The following SLC2A13 variants were observed in gnomAD, a reference collection of about 807,000 sequenced individuals.
SLC2A13 encodes proton myo-inositol cotransporter.
Under a neutral mutation model 64.4 loss-of-function variants are expected in SLC2A13, and 32 were observed. That is an observed-to-expected ratio of 0.50 (90% CI 0.37 to 0.67). The LOEUF (loss-of-function observed/expected upper bound fraction) is 0.67. Ranked by LOEUF, SLC2A13 falls within the 30% of genes least tolerant of loss-of-function variation. The pLI is 0.00. For missense variants in SLC2A13, 743 were observed against 829.2 expected, an observed-to-expected ratio of 0.90 and a Z score of 1.28; for synonymous variants, 338 against 327.1, an observed-to-expected ratio of 1.03 and a Z score of -0.36.
intron 6 of SLC2A13, among the ~76,000 whole-genome samples, chr12:39,851,412 T>C (rs1412456483): frequency 1.3e-5 from 2 of 152,204 alleles, no homozygotes; most frequent in African/African-American, 4.8e-5. Context: ...ATTCTGACTC[T>C]TAACTGACAA....
chr12:39,955,409 C>T (rs114301420), intron 3 of SLC2A13, among the ~76,000 whole-genome samples: 10 of 151,914 alleles, frequency 6.6e-5, no homozygotes, highest in South Asian at 2.1e-4. Context: ...AAAAGACAGA[C>T]GAGTGAAACC....
At chr12:40,087,088 C>A (rs1938610887) in intron 1 of SLC2A13, among the ~76,000 whole-genome samples, 1 of 152,194 alleles carries the variant, frequency 6.6e-6, no homozygotes, top group Non-Finnish European at 1.5e-5. Flanking sequence ...ACTGAAGACA[C>A]AACCACACAC....
intron 3 of SLC2A13, among the ~76,000 whole-genome samples, chr12:40,000,617 T>G (rs1465148256): frequency 6.6e-6 from 1 of 152,190 alleles, no homozygotes; most frequent in Non-Finnish European, 1.5e-5. Context: ...GTTTGGTTTT[T>G]CTGGAGGCCT....
chr12:39,946,992 G>T (rs1487422840), intron 4 of SLC2A13, among the ~76,000 whole-genome samples: 2 of 152,156 alleles, frequency 1.3e-5, no homozygotes, highest in South Asian at 4.1e-4. Context: ...TGCCAGGCAG[G>T]AATGGGCTGC....
intron 3 of SLC2A13, among the ~76,000 whole-genome samples, chr12:39,977,127 T>C (rs1420823174): frequency 6.6e-6 from 1 of 152,184 alleles, no homozygotes; most frequent in Non-Finnish European, 1.5e-5. Context: ...CATGAGCTCA[T>C]GTTTATTCAG....
intron 7 of SLC2A13, among the ~76,000 whole-genome samples, chr12:39,767,900 G>A (rs1266276489): frequency 6.6e-6 from 1 of 152,054 alleles, no homozygotes; most frequent in African/African-American, 2.4e-5. Flanking sequence ...CTTCCTCCAT[G>A]ATTGTAAGTT....
chr12:40,047,997 C>T, intron 2 of SLC2A13, 54 bp downstream of exon 2: 4 of 1,501,288 alleles, frequency 2.7e-6, no homozygotes, highest in Non-Finnish European at 3.6e-6. Flanking sequence ...CAATTTTTCT[C>T]CCCTTCCCCA....
chr12:39,870,935 G>C (rs553675718), intron 5 of SLC2A13, among the ~76,000 whole-genome samples: 1 of 152,106 alleles, frequency 6.6e-6, no homozygotes. Context: ...CAATGTTTTC[G>C]ATACAATTTG....
At chr12:40,046,447 C>T (rs1948172656) in intron 2 of SLC2A13, among the ~76,000 whole-genome samples, 1 of 152,102 alleles carries the variant, frequency 6.6e-6, no homozygotes, top group Admixed American at 6.5e-5. Context: ...ACATGCTATG[C>T]ATTTGAATAT....
chr12:39,864,570 A>G (rs916867424), intron 6 of SLC2A13, among the ~76,000 whole-genome samples, 192 bp downstream of exon 6: 1 of 151,914 alleles, frequency 6.6e-6, no homozygotes, highest in African/African-American at 2.4e-5. Context: ...AATTCCTTAC[A>G]CTCACACATC....
intron 1 of SLC2A13, among the ~76,000 whole-genome samples, chr12:40,102,280 T>C (rs1214044105): frequency 6.6e-6 from 1 of 152,252 alleles, no homozygotes; most frequent in Non-Finnish European, 1.5e-5. Flanking sequence ...GGAAGCTTAA[T>C]TAGCAAGTGT....
intron 4 of SLC2A13, among the ~76,000 whole-genome samples, chr12:39,873,884 CT>C (rs1944117744): frequency 6.6e-6 from 1 of 152,084 alleles, no homozygotes; most frequent in Non-Finnish European, 1.5e-5. Context: ...CTAATAGCAC[CT>C]CCGTGTCTTC....
intron 2 of SLC2A13, 122 bp downstream of exon 2, chr12:40,047,929 A>G (rs1336617031): frequency 1.1e-6 from 1 of 895,506 alleles, no homozygotes; most frequent in African/African-American, 1.7e-5. Context: ...AATGTCACCT[A>G]CTTATAAATT....
chr12:40,077,191 A>C (rs1166323275), intron 1 of SLC2A13, among the ~76,000 whole-genome samples: 1 of 151,820 alleles, frequency 6.6e-6, no homozygotes, highest in East Asian at 1.9e-4. Flanking sequence ...TTTTGTTGCA[A>C]TTGCTTTTGG....
intron 1 of SLC2A13, 102 bp from the exon 2 acceptor site, chr12:40,048,312 G>A: frequency 8.6e-7 from 1 of 1,159,016 alleles, no homozygotes; most frequent in Non-Finnish European, 1.2e-6. Context: ...ATATGGGCTT[G>A]GTTTTCTACT....
intron 3 of SLC2A13, among the ~76,000 whole-genome samples, chr12:39,987,270 A>G (rs1947047898): frequency 6.6e-6 from 1 of 152,230 alleles, no homozygotes; most frequent in African/African-American, 2.4e-5. Flanking sequence ...ACAAACAATG[A>G]CAAAATAATG....
At chr12:39,914,419 C>T (rs1015675251) in intron 4 of SLC2A13, among the ~76,000 whole-genome samples, 13 of 151,988 alleles carry the variant, frequency 8.6e-5, no homozygotes, top group Admixed American at 7.9e-4. Flanking sequence ...GGACAGAGAA[C>T]TCTGAAAGAA....
intron 1 of SLC2A13, among the ~76,000 whole-genome samples, chr12:40,075,680 T>C (rs1938143180): frequency 1.3e-5 from 2 of 152,196 alleles, no homozygotes; most frequent in Non-Finnish European, 1.5e-5. Flanking sequence ...TATCTTTAAA[T>C]ATTTTTTCTT....
At chr12:40,016,057 G>A (rs959333062) in intron 3 of SLC2A13, among the ~76,000 whole-genome samples, 1 of 152,096 alleles carries the variant, frequency 6.6e-6, no homozygotes, top group African/African-American at 2.4e-5. Flanking sequence ...TTCAAACTTT[G>A]CTCTTTAACA....
Sources: allele counts gnomAD v4.1 joint callset (sites outside exome capture counted in the v4.1 genomes callset), GRCh38; gene constraint gnomAD v4.1.1; transcripts MANE v1.5; gene names NCBI Gene and HGNC (gene_info 2026-07-23, HGNC 2026-07-21).